The following PPP1R21 variants were observed in gnomAD, a reference collection of about 807,000 sequenced individuals.
The protein encoded by PPP1R21 is KLRAQ motif containing 1.
In PPP1R21, 85 loss-of-function variants were observed where a neutral mutation model predicts 112.8. The observed-to-expected ratio is 0.75, with a 90% confidence interval of 0.63 to 0.90. PPP1R21 has a LOEUF of 0.90. Among genes scored for constraint, PPP1R21 ranks in the 40% least tolerant of loss-of-function variants. The pLI is 0.00. For synonymous variants in PPP1R21, 381 were observed against 322.3 expected, an observed-to-expected ratio of 1.18 and a Z score of -1.95; for missense variants, 1,199 against 901.5, an observed-to-expected ratio of 1.33 and a Z score of -4.23.
chr2:48,456,152 G>A (rs1038255691), intron 3 of PPP1R21, among the ~76,000 whole-genome samples: 11 of 151,410 alleles, frequency 7.3e-5, no homozygotes, highest in African/African-American at 2.4e-4. Context: ...TTAGAGATGA[G>A]TTTTTTTGCC....
intron 1 of PPP1R21, among the ~76,000 whole-genome samples, chr2:48,444,637 A>G (rs1162829212): frequency 6.6e-6 from 1 of 152,186 alleles, no homozygotes; most frequent in Non-Finnish European, 1.5e-5. Flanking sequence ...ATGATTCTCA[A>G]AGTGTGGAAC....
At chr2:48,485,699 C>T (rs919843853) in intron 13 of PPP1R21, among the ~76,000 whole-genome samples, 1 of 151,532 alleles carries the variant, frequency 6.6e-6, no homozygotes, top group Non-Finnish European at 1.5e-5. Flanking sequence ...CAGGTTAAAT[C>T]TCAAATACTA....
chr2:48,458,526 A>G (rs756299386), intron 4 of PPP1R21, among the ~76,000 whole-genome samples: 10 of 151,212 alleles, frequency 6.6e-5, no homozygotes, highest in Non-Finnish European at 1.3e-4. Flanking sequence ...TACATGTATC[A>G]TTTAAATGGG....
At chr2:48,501,423 C>T (rs922418253) in intron 17 of PPP1R21, among the ~76,000 whole-genome samples, 4 of 152,182 alleles carry the variant, frequency 2.6e-5, no homozygotes, top group Non-Finnish European at 5.9e-5. Context: ...GTGCCTGACA[C>T]AGGTCTAAGG....
Position 48,451,075 on chromosome 2 carries a change from AG to A in PPP1R21, c.126+1del. The A allele has an allele frequency of 6.2e-7, 1 of 1,612,502 alleles. No homozygotes were observed. Among genetic ancestry groups the A allele is most frequent in the East Asian group, 2.2e-5 (1 of 44,846 alleles). On this transcript the variant is annotated frameshift_variant and splice_region_variant, in exon 2 of 22. Transcript: ENST00000294952. LOFTEE classifies it high-confidence loss of function. The stretch of plus-strand genomic sequence containing the variant: ...GAACAAGCAAATTCTGCAGCTTTAA[AG>A]GTGGGCAACAGGATATTTGTGTTGT... ...VDEQANSAAL[K>X]EQLKMKDQSL... is the part of the protein sequence containing the mutation.
chr2:48,512,275 C>T (rs1024997461), intron 21 of PPP1R21, among the ~76,000 whole-genome samples: 5 of 152,166 alleles, frequency 3.3e-5, no homozygotes, highest in African/African-American at 9.7e-5. Context: ...AAATGCATAT[C>T]CACATACCGT....
At chr2:48,494,006 G>C (rs180874781) in intron 15 of PPP1R21, among the ~76,000 whole-genome samples, 1 of 144,032 alleles carries the variant, frequency 6.9e-6, no homozygotes, top group East Asian at 2.1e-4. Flanking sequence ...AGGATCACTT[G>C]AGTCCAGGAG....
intron 12 of PPP1R21, among the ~76,000 whole-genome samples, chr2:48,477,322 T>C (rs747145661): frequency 1.2e-4 from 18 of 152,038 alleles, no homozygotes; most frequent in Admixed American, 6.6e-4. Context: ...GGTCTCACCA[T>C]GTTGGCCAGG....
intron 1 of PPP1R21, among the ~76,000 whole-genome samples, chr2:48,443,683 A>G (rs561463364): frequency 6.6e-6 from 1 of 152,332 alleles, no homozygotes; most frequent in South Asian, 2.1e-4. Flanking sequence ...ACAGATCCTG[A>G]TCAAAAGATT....
At chr2:48,475,624 G>C (rs1318683653) in intron 12 of PPP1R21, among the ~76,000 whole-genome samples, 6 of 152,138 alleles carry the variant, frequency 3.9e-5, no homozygotes, top group Admixed American at 3.3e-4. Flanking sequence ...GAGGTGGGCA[G>C]ATCACCTGAG....
chr2:48,459,310 TACCTGTTTTAAGAATAAC>T, intron 4 of PPP1R21, among the ~76,000 whole-genome samples: 1 of 152,332 alleles, frequency 6.6e-6, no homozygotes, highest in East Asian at 1.9e-4. Flanking sequence ...GAAAGAGCTT[TACCTGTTTTAAGAATAAC>T]ACCTGTTTTA....
chr2:48,471,477 G>A (rs974240960), intron 11 of PPP1R21, 110 bp downstream of exon 11: 1 of 1,076,938 alleles, frequency 9.3e-7, no homozygotes, highest in Non-Finnish European at 1.3e-6. Context: ...TGACTTTTCT[G>A]CTTCACAGTT....
At chr2:48,456,368 G>A (rs1667727012) in intron 3 of PPP1R21, among the ~76,000 whole-genome samples, 2 of 152,042 alleles carry the variant, frequency 1.3e-5, no homozygotes, top group East Asian at 3.9e-4. Flanking sequence ...TGGGTAGAAG[G>A]GAAGGAGAAG....
At chr2:48,494,098 T>C (rs1308939329) in intron 15 of PPP1R21, among the ~76,000 whole-genome samples, 2 of 143,972 alleles carry the variant, frequency 1.4e-5, no homozygotes, top group African/African-American at 2.5e-5. Flanking sequence ...GGCATGGTGG[T>C]GCATGCCTGT....
chr2:48,457,888 C>G, intron 3 of PPP1R21: 2 of 436,484 alleles, frequency 4.6e-6, no homozygotes, highest in Non-Finnish European at 9.1e-6. Flanking sequence ...GAATAGTAAG[C>G]CTTATCTGTT....
intron 17 of PPP1R21, among the ~76,000 whole-genome samples, chr2:48,499,611 A>T (rs948420167): frequency 6.6e-6 from 1 of 152,162 alleles, no homozygotes; most frequent in African/African-American, 2.4e-5. Context: ...ATAACCACAA[A>T]TACAATTTTA....
chr2:48,441,358 G>C (rs758240940), intron 1 of PPP1R21: 2 of 360,030 alleles, frequency 5.6e-6, no homozygotes, highest in African/African-American at 2.2e-5. Flanking sequence ...TCCTCACCTC[G>C]CTGCTTCCTC....
chr2:48,459,939 A>T, intron 5 of PPP1R21, 21 bp downstream of exon 5: 2 of 1,608,088 alleles, frequency 1.2e-6, no homozygotes, highest in Non-Finnish European at 1.7e-6. Flanking sequence ...TTGTGAGAGC[A>T]CACTAAAAAA....
At chr2:48,470,757 G>A (rs764786165) in intron 9 of PPP1R21, among the ~76,000 whole-genome samples, 1 of 152,124 alleles carries the variant, frequency 6.6e-6, no homozygotes, top group African/African-American at 2.4e-5. Flanking sequence ...AGGCTGACCT[G>A]TTGGTCCTAG....
Sources: gnomAD v4.1 joint callset for allele counts (sites outside exome capture counted in the v4.1 genomes callset) on GRCh38, gnomAD v4.1.1 for gene constraint, MANE v1.5 for transcripts, NCBI Gene and HGNC (gene_info 2026-07-23, HGNC 2026-07-21) for gene names.